The following NAXD variants were observed in gnomAD, a reference collection of about 807,000 sequenced individuals.
NAXD encodes NAD(P)HX dehydratase, also known as ATP-dependent (S)-NAD(P)H-hydrate dehydratase.
A neutral mutation model predicts 35.8 loss-of-function variants in NAXD; 22 were observed. The observed-to-expected ratio is 0.62, with a 90% CI of 0.44 to 0.88. The LOEUF (loss-of-function observed/expected upper bound fraction) is 0.88, where lower values mean the gene tolerates loss of function less well. Ranked by LOEUF, NAXD falls within the 40% of genes least tolerant of loss-of-function variation. The pLI, the probability that NAXD is intolerant of heterozygous loss-of-function variation, is 0.00. For synonymous variants in NAXD, 189 were observed against 177.6 expected, an observed-to-expected ratio of 1.06 and a Z score of -0.51; for missense variants, 428 against 437.7, an observed-to-expected ratio of 0.98 and a Z score of 0.20.
intron 5 of NAXD, among the ~76,000 whole-genome samples, chr13:110,630,271 G>T (rs55949519): frequency 0.046 from 7,021 of 152,050 alleles, 356 homozygotes; most frequent in African/African-American, 0.13. Flanking sequence ...TTAGGTATCC[G>T]CCCGCCTCAG....
chr13:110,616,030 C>T (rs551907372), intron 1 of NAXD: 20 of 378,788 alleles, frequency 5.3e-5, no homozygotes, highest in Non-Finnish European at 7.5e-5. Context: ...GCGCGGTGGC[C>T]GGGGAACGGG....
At chr13:110,616,628 G>T (rs1455925938) in intron 1 of NAXD, among the ~76,000 whole-genome samples, 2 of 152,170 alleles carry the variant, frequency 1.3e-5, no homozygotes, top group Non-Finnish European at 2.9e-5. Context: ...CTCTTCATAG[G>T]GTTTTTTTGT....
chr13:110,615,620 T>A lies in NAXD; in HGVS notation c.19T>A (p.Cys7Ser). Reference protein sequence around the residue: MALGPRCGAIRACRRVL... With the variant: MALGPRSGAIRACRRVL... ...CTGCCCGATGGCCCTGGGTCCTCGC[T>A]GTGGGGCAATCCGGGCTTGCAGACG... The change falls in exon 1 of 10, where the codon TGT becomes AGT. Residue 7 changes from cysteine (C) to serine (S), a missense_variant. Physicochemically the swap from Cys to Ser is moderately radical, Grantham distance 112 (BLOSUM62 -1). Transcript: ENST00000680254. The A allele has an allele frequency of 4.8e-6, 7 of 1,472,858 alleles. No homozygotes were observed. Among genetic ancestry groups the A allele is most frequent in the Non-Finnish European group, 6.3e-6 (7 of 1,116,906 alleles). The allele number at this position is 1,472,858 out of a possible 1,614,324, so 91.2% of individuals were successfully genotyped here. A position where few individuals can be genotyped will look rare whatever the true frequency, so the allele number is the denominator to read the frequency against.
intron 7 of NAXD, 21 bp downstream of exon 7, chr13:110,634,797 G>T: frequency 1.3e-6 from 2 of 1,567,286 alleles, no homozygotes; most frequent in Non-Finnish European, 8.8e-7. Flanking sequence ...GGACCCCCTG[G>T]AGGGTAGATG....
At chr13:110,633,449 A>G (rs1010063992) in intron 5 of NAXD, among the ~76,000 whole-genome samples, 1 of 152,156 alleles carries the variant, frequency 6.6e-6, no homozygotes, top group African/African-American at 2.4e-5. Context: ...AGTGGGCTCC[A>G]GCCTTGGCCA....
At chr13:110,627,593 A>T (rs750632866) in intron 5 of NAXD, 46 bp downstream of exon 5, 15 of 1,370,198 alleles carry the variant, frequency 1.1e-5, no homozygotes, top group Non-Finnish European at 1.6e-5. Flanking sequence ...GCTTAGCCTT[A>T]GGCGTGAAGT....
At position 110,638,304 on chromosome 13, in the gene NAXD, G is replaced by C. The variant is rs1340305897; in HGVS notation, c.840-74G>C. 1 of 1,608,878 alleles carries C rather than the reference G, an allele frequency of 6.2e-7. No homozygotes were observed. Among genetic ancestry groups the C allele is most frequent in the Non-Finnish European group, 8.5e-7 (1 of 1,177,726 alleles). On this transcript the variant is annotated intron_variant, in intron 9 of 9. Coordinates refer to ENST00000680254, the MANE Select transcript of NAXD (RefSeq NM_001242882.2). The surrounding 1 kb of genome is among the most constrained non-coding windows in gnomAD (Gnocchi z 5.4). ...GAGATTGAAACAGGAGTCAAAACCA[G>C]AGCCCAGGGTAGCTGCGGCCCCCGG...
chr13:110,617,661 T>C (rs1886109454), intron 1 of NAXD, among the ~76,000 whole-genome samples: 1 of 152,220 alleles, frequency 6.6e-6, no homozygotes, highest in Non-Finnish European at 1.5e-5. Flanking sequence ...ATACTTCTTA[T>C]TTTGCCTTAA....
intron 2 of NAXD, 58 bp downstream of exon 2, chr13:110,622,424 A>G (rs1044083662): frequency 6.4e-7 from 1 of 1,568,512 alleles, no homozygotes; most frequent in Non-Finnish European, 8.8e-7. Flanking sequence ...CTGGCTGCTT[A>G]CCTGACTGTC....
At chr13:110,637,051 G>T (rs1594186575) in intron 8 of NAXD, 78 bp from the exon 9 acceptor site, 8 of 1,498,046 alleles carry the variant, frequency 5.3e-6, no homozygotes, top group Non-Finnish European at 6.2e-6. Context: ...CTGCCGTGCG[G>T]CCTTCCACAC....
chr13:110,617,689 CCTA>C (rs1886110696), intron 1 of NAXD, among the ~76,000 whole-genome samples: 1 of 152,204 alleles, frequency 6.6e-6, no homozygotes, highest in African/African-American at 2.4e-5. Flanking sequence ...GCATTTTACA[CCTA>C]CTGTGTGCCC....
chr13:110,616,895 G>A (rs1423646732), intron 1 of NAXD, among the ~76,000 whole-genome samples: 1 of 152,206 alleles, frequency 6.6e-6, no homozygotes, highest in Non-Finnish European at 1.5e-5. Context: ...AGAGAGTTTG[G>A]CTTTTTGTTT....
chr13:110,632,394 C>T (rs774844571), intron 5 of NAXD, among the ~76,000 whole-genome samples: 5 of 152,132 alleles, frequency 3.3e-5, no homozygotes, highest in South Asian at 2.1e-4. Context: ...GTTTCCACAG[C>T]GTGGAAGGGG....
At chr13:110,618,728 G>A (rs1401268212) in intron 1 of NAXD, among the ~76,000 whole-genome samples, 1 of 147,756 alleles carries the variant, frequency 6.8e-6, no homozygotes, top group South Asian at 2.1e-4. Context: ...AATTGTATGT[G>A]TTCTTGTCAT....
intron 1 of NAXD, among the ~76,000 whole-genome samples, chr13:110,618,753 CAAA>C (rs59806556): frequency 0.24 from 35,770 of 151,956 alleles, 5,448 homozygotes; most frequent in African/African-American, 0.44. Flanking sequence ...TGAATAACAA[CAAA>C]AATCAGTATT....
chr13:110,627,220 C>T (rs61970486), intron 4 of NAXD, among the ~76,000 whole-genome samples: 17,018 of 152,102 alleles, frequency 0.11, 1,050 homozygotes, highest in Middle Eastern at 0.16. Context: ...CATGCTGATC[C>T]GGAATGTGGG....
At chr13:110,630,830 G>T (rs1162095065) in intron 5 of NAXD, among the ~76,000 whole-genome samples, 1 of 152,142 alleles carries the variant, frequency 6.6e-6, no homozygotes, top group East Asian at 1.9e-4. Flanking sequence ...AAATGTGAAG[G>T]CTTATTTCTG....
At chr13:110,618,391 C>G (rs79323382) in intron 1 of NAXD, among the ~76,000 whole-genome samples, 9 of 152,086 alleles carry the variant, frequency 5.9e-5, no homozygotes, top group African/African-American at 2.2e-4. Flanking sequence ...AGGCGACTCC[C>G]GCTGGTGGGT....
At position 110,635,470 on chromosome 13, in the gene NAXD, C is replaced by T; in HGVS notation, c.600C>T (p.Leu200=). The T allele has an allele frequency of 6.2e-7, 1 of 1,613,744 alleles. No homozygotes were observed. The highest frequency in any genetic ancestry group is 8.5e-7 in the Non-Finnish European group (1 of 1,179,736). ...TCTGTCTTCCTGTGTTGTCATAGCT[C>T]AGAGGCCCTATGGACAGCGATGACA... The part of the protein sequence containing the change: ...VEFSRLYDAV[L]RGPMDSDDSH... The change falls in exon 8 of 10, where the codon CTC becomes CTT. Residue 200 remains leucine (L), a splice_region_variant and synonymous_variant. Transcript: ENST00000680254.
Sources: gnomAD v4.1 joint callset for allele counts (sites outside exome capture counted in the v4.1 genomes callset) on GRCh38, gnomAD v4.1.1 for gene constraint, Gnocchi (gnomAD v3.1) non-coding constraint, MANE v1.5 for transcripts, NCBI Gene and HGNC (gene_info 2026-07-23, HGNC 2026-07-21) for gene names.